Variants in MLLT3 observed in about 807,000 individuals in gnomAD.
The protein encoded by MLLT3 is MLLT3 super elongation complex subunit.
MLLT3 carries 4 observed loss-of-function variants against 53.2 expected under a neutral mutation model. The ratio of observed to expected loss-of-function variants is 0.08; its 90% CI spans 0.04 to 0.17. MLLT3 has a LOEUF of 0.17. MLLT3 is among the 10% of genes least tolerant of loss of function. The pLI, the probability that MLLT3 is intolerant of heterozygous loss-of-function variation, is 1.00. For synonymous variants in MLLT3, 283 were observed against 230.6 expected (o/e 1.23, Z -2.06); for missense variants, 569 against 684.0 (o/e 0.83, Z 1.87).
chr9:20,365,356 T>A (rs1309024472), intron 6 of MLLT3, among the ~76,000 whole-genome samples: 2 of 152,232 alleles, frequency 1.3e-5, no homozygotes, highest in African/African-American at 4.8e-5. Flanking sequence ...TTTCTTTTTT[T>A]TGAGACGGAG....
chr9:20,447,149 T>C (rs1386059658), intron 4 of MLLT3, among the ~76,000 whole-genome samples: 1 of 152,088 alleles, frequency 6.6e-6, no homozygotes, highest in Non-Finnish European at 1.5e-5. Flanking sequence ...CTCAAAGTGG[T>C]TGTTCATGTA....
Position 20,568,831 on chromosome 9 carries a change from G to C in MLLT3, c.193+51823C>G, listed in dbSNP as rs140622669. Among the ~76,000 whole-genome samples the C allele has an allele frequency of 3.3e-5, 5 of 152,244 alleles. No individual in the cohort carries two copies. The East Asian group carries it at 7.7e-4, about 24-fold the overall frequency. The stretch of plus-strand genomic sequence containing the variant: ...TACATCTAATCCTCACTACAGTCCT[G>C]AGAGGAAGTTATTACCTTCATTTCA... On this transcript the variant is annotated intron_variant, in intron 2 of 10. Transcript: ENST00000380338.
chr9:20,353,585 A>T lies in MLLT3; in HGVS notation c.1515T>A (p.Asp505Glu). The T allele has an allele frequency of 3.7e-6, 6 of 1,613,934 alleles. No homozygotes were observed. The highest frequency in any genetic ancestry group is 5.1e-6 in the Non-Finnish European group (6 of 1,179,768). ...ACCTTCTGTGAAGCTCTACCAGTTC[A>T]TCTAGGTATGCCTGAAAGAGAAGAA... ...KNGECDKAYLDELVELHRRLM... is the reference protein window; with the variant it reads ...KNGECDKAYLEELVELHRRLM... Residue 505 changes from aspartate (D) to glutamate (E), a missense_variant, in exon 10 of 11, where the codon GAT becomes GAA. Around this residue, in one of 5 missense-constraint regions of MLLT3, gnomAD observed 45 missense variants for 85.5 expected, o/e 0.53. Coordinates refer to ENST00000380338, the MANE Select transcript of MLLT3 (RefSeq NM_004529.4).
At chr9:20,410,441 A>G (rs1291244088) in intron 5 of MLLT3, 2 of 152,192 alleles carry the variant, frequency 1.3e-5, no homozygotes, top group Non-Finnish European at 2.9e-5. Flanking sequence ...ATTTTATAAA[A>G]GAGGAAACTA....
intron 5 of MLLT3, among the ~76,000 whole-genome samples, chr9:20,388,122 T>C (rs1822086753): frequency 6.6e-6 from 1 of 152,210 alleles, no homozygotes; most frequent in South Asian, 2.1e-4. Flanking sequence ...GATTCTTGCA[T>C]AGACCTCAAA....
chr9:20,614,238 T>C (rs1820768804), intron 2 of MLLT3, among the ~76,000 whole-genome samples: 1 of 151,942 alleles, frequency 6.6e-6, no homozygotes, highest in Non-Finnish European at 1.5e-5. Flanking sequence ...CTACTAAAAA[T>C]ACAAAATTAG....
chr9:20,370,668 G>A (rs1477616766), intron 5 of MLLT3, among the ~76,000 whole-genome samples: 4 of 151,932 alleles, frequency 2.6e-5, no homozygotes, highest in Non-Finnish European at 2.9e-5. Flanking sequence ...GCACCAACAC[G>A]CCTAGCTAAT....
intron 5 of MLLT3, among the ~76,000 whole-genome samples, chr9:20,367,886 A>G (rs1821498751): frequency 6.6e-6 from 1 of 152,102 alleles, no homozygotes; most frequent in Non-Finnish European, 1.5e-5. Flanking sequence ...CTGAATTCTC[A>G]CCCCCTTCTC....
rs545037727 is a variant in MLLT3 at position 20,617,712 on chromosome 9, T to A, written c.193+2942A>T. ...ATACTCTGACCTACCTGTTTTGTCA[T>A]GGCTAATAGACATTCCAGGCTTCAC... On this transcript the variant is annotated intron_variant, in intron 2 of 10. Coordinates refer to ENST00000380338, the MANE Select transcript of MLLT3 (RefSeq NM_004529.4). Among the ~76,000 whole-genome samples the A allele has an allele frequency of 2.6e-5, 4 of 152,290 alleles. No individual in the cohort carries two copies. The East Asian group carries it at 7.7e-4, about 29-fold the overall frequency.
chr9:20,592,800 C>T (rs1001038775), intron 2 of MLLT3, among the ~76,000 whole-genome samples: 8 of 152,150 alleles, frequency 5.3e-5, no homozygotes, highest in African/African-American at 1.9e-4. Flanking sequence ...TTCAGCCATA[C>T]GATTACCAGG....
intron 2 of MLLT3, among the ~76,000 whole-genome samples, chr9:20,604,785 T>C (rs929984435): frequency 6.6e-6 from 1 of 152,156 alleles, no homozygotes; most frequent in African/African-American, 2.4e-5. Context: ...TATTTCATTT[T>C]CAGCCAACGG....
chr9:20,589,282 T>C (rs535798544), intron 2 of MLLT3, among the ~76,000 whole-genome samples: 1 of 151,962 alleles, frequency 6.6e-6, no homozygotes, highest in African/African-American at 2.4e-5. Context: ...ATGTCCTTTG[T>C]AGGGACATGG....
intron 5 of MLLT3, among the ~76,000 whole-genome samples, chr9:20,379,464 G>T (rs1345699211): frequency 1.3e-5 from 2 of 151,996 alleles, no homozygotes; most frequent in African/African-American, 4.8e-5. Context: ...TCATCATCTT[G>T]AATTTTCTCT....
intron 2 of MLLT3, chr9:20,532,723 C>T (rs1818376885): frequency 7.6e-6 from 2 of 264,662 alleles, no homozygotes; most frequent in African/African-American, 2.3e-5. Context: ...TGTGAAATGG[C>T]CCCACTATAT....
chr9:20,543,514 T>G (rs2119015545), intron 2 of MLLT3, among the ~76,000 whole-genome samples: 1 of 152,270 alleles, frequency 6.6e-6, no homozygotes, highest in South Asian at 2.1e-4. Flanking sequence ...CAGTGGCTCA[T>G]GCCTCTAATC....
At chr9:20,414,589 T>C (rs1319497325) in intron 4 of MLLT3, among the ~76,000 whole-genome samples, 164 bp from the exon 5 acceptor site, 3 of 152,164 alleles carry the variant, frequency 2.0e-5, no homozygotes, top group Admixed American at 1.3e-4. Context: ...CAGGTGAGAA[T>C]AGTGTATGTG....
intron 5 of MLLT3, chr9:20,411,375 G>C (rs1305947133): frequency 6.6e-6 from 1 of 152,618 alleles, no homozygotes; most frequent in Non-Finnish European, 1.5e-5. Context: ...TTGGGTTCAT[G>C]GTTTACATGA....
intron 2 of MLLT3, among the ~76,000 whole-genome samples, chr9:20,543,795 G>C (rs987277505): frequency 1.3e-5 from 2 of 152,082 alleles, no homozygotes; most frequent in Non-Finnish European, 1.5e-5. Context: ...TGAAAACATT[G>C]CAAGAATTAC....
intron 2 of MLLT3, among the ~76,000 whole-genome samples, chr9:20,541,062 G>A (rs935016954): frequency 3.3e-5 from 5 of 152,160 alleles, no homozygotes; most frequent in Admixed American, 3.3e-4. Flanking sequence ...CTAGGGCAGG[G>A]GTAAAATGCC....
Sources: allele counts gnomAD v4.1 joint callset (sites outside exome capture counted in the v4.1 genomes callset), GRCh38; gene constraint gnomAD v4.1.1; regional missense constraint gnomAD v4.1.1; transcripts MANE v1.5; gene names NCBI Gene and HGNC (gene_info 2026-07-23, HGNC 2026-07-21).